The following NFU1 variants were observed in gnomAD, a reference collection of about 807,000 sequenced individuals.
The protein encoded by NFU1 is NFU1 iron-sulfur cluster scaffold.
Under a neutral mutation model 32.2 loss-of-function variants are expected in NFU1, and 30 were observed. The observed-to-expected ratio is 0.93, with a 90% CI of 0.70 to 1.26. The LOEUF is 1.26. Among genes scored for constraint, NFU1 ranks in the 50% most tolerant of loss-of-function variants. The pLI is 0.00. For synonymous variants in NFU1, 112 were observed against 104.6 expected (o/e 1.07, Z -0.43); for missense variants, 306 against 306.6 (o/e 1.00, Z 0.02).
intron 7 of NFU1, among the ~76,000 whole-genome samples, chr2:69,397,774 C>T (rs1447197674): frequency 9.2e-5 from 14 of 151,932 alleles, no homozygotes; most frequent in Middle Eastern, 3.4e-3. Flanking sequence ...ATTAGCCAGG[C>T]GTGGTGGCGC....
At position 69,400,372 on chromosome 2, in the gene NFU1, C is replaced by G. The variant is rs750485783; in HGVS notation, c.712G>C (p.Val238Leu). 6.2e-6 allele frequency: 10 copies of G among 1,613,756 alleles called. No individual in the cohort carries two copies. The highest frequency in any genetic ancestry group is 8.5e-6 in the Non-Finnish European group (10 of 1,179,662). The change falls in exon 7 of 8, where the codon GTA becomes CTA. Residue 238 changes from valine to leucine, a missense_variant. Physicochemically the swap from Val to Leu is conservative, Grantham distance 32 (BLOSUM62 1). Transcript: ENST00000410022. Reference sequence around the variant, plus strand: ...ATATAATATTGGCATACCTGTTCTACGCCTTCTACCTCCGGAATATAAAAC... The same window carrying G: ...ATATAATATTGGCATACCTGTTCTAGGCCTTCTACCTCCGGAATATAAAAC... ...LQFYIPEVEG[V>L]EQVMDDESDE...
At chr2:69,400,209 TA>T in intron 7 of NFU1, 154 bp downstream of exon 7, 1 of 697,126 alleles carries the variant, frequency 1.4e-6, no homozygotes. Flanking sequence ...TCAAGTCTGA[TA>T]AAAATTGCAA....
At chr2:69,419,104 G>A (rs13388690) in intron 4 of NFU1, among the ~76,000 whole-genome samples, 32,267 of 151,800 alleles carry the variant, frequency 0.21, 4,033 homozygotes, top group African/African-American at 0.34. Flanking sequence ...ACCTGAGGTC[G>A]GGAGTTCTAG....
chr2:69,437,667 A>G (rs1181426309), upstream of NFU1: 1 of 606,370 alleles, frequency 1.6e-6, no homozygotes, highest in East Asian at 2.8e-5. Flanking sequence ...CAGCACTGTG[A>G]ACGCATGCGT....
chr2:69,430,023 T>C, intron 2 of NFU1: 1 of 326,206 alleles, frequency 3.1e-6, no homozygotes, highest in Non-Finnish European at 6.1e-6. Context: ...AGTGAGACCC[T>C]GCCTCAAAAA....
chr2:69,432,322 C>T (rs1673665372), intron 1 of NFU1, among the ~76,000 whole-genome samples: 1 of 152,052 alleles, frequency 6.6e-6, no homozygotes. Flanking sequence ...CGCCTGTAAT[C>T]CCAGCATTTT....
At chr2:69,402,624 C>T (rs912470922) in intron 6 of NFU1, among the ~76,000 whole-genome samples, 6 of 152,102 alleles carry the variant, frequency 3.9e-5, no homozygotes, top group Admixed American at 1.3e-4. Context: ...TCTTGTTGCC[C>T]AGGCTGGAGT....
chr2:69,405,657 T>C (rs1160139361), intron 6 of NFU1, among the ~76,000 whole-genome samples: 1 of 152,256 alleles, frequency 6.6e-6, no homozygotes, highest in Non-Finnish European at 1.5e-5. Context: ...TTAACATTTA[T>C]TCTGTATGGG....
intron 6 of NFU1, among the ~76,000 whole-genome samples, chr2:69,402,852 G>C (rs1000423914): frequency 5.3e-5 from 8 of 151,780 alleles, no homozygotes; most frequent in South Asian, 2.1e-4. Context: ...CAAAGTGCTG[G>C]GATTACAGGT....
At chr2:69,409,731 GC>G (rs1672815896) in intron 5 of NFU1, among the ~76,000 whole-genome samples, 1 of 152,060 alleles carries the variant, frequency 6.6e-6, no homozygotes, top group Admixed American at 6.6e-5. Flanking sequence ...TTAGCACTCA[GC>G]TCTCAAAAGA....
rs577819627 is a variant in NFU1, at chr2:69,432,754, G to A, written c.63-749C>T. ...GGTAAGGGAAAAAAGCATAAATAGT[G>A]AAAGCCTCCCTCCTTTCCTGTCCCT... On this transcript the variant is annotated intron_variant, in intron 1 of 7. Coordinates refer to ENST00000410022, the MANE Select transcript of NFU1 (RefSeq NM_001002755.4). Among the ~76,000 whole-genome samples the A allele has an allele frequency of 7.0e-5, 9 of 129,066 alleles. No homozygotes were observed. The East Asian group carries it at 1.9e-3, about 27-fold the overall frequency. The allele number at this position is 129,066 out of a possible 152,430, so 84.7% of individuals were successfully genotyped here.
intron 5 of NFU1, among the ~76,000 whole-genome samples, chr2:69,409,434 G>C (rs1479774478): frequency 2.0e-5 from 3 of 151,974 alleles, no homozygotes; most frequent in African/African-American, 7.3e-5. Flanking sequence ...ATATCTCTAA[G>C]ACTCAAGACA....
chr2:69,409,945 AT>A (rs1160168709), intron 5 of NFU1, among the ~76,000 whole-genome samples: 1 of 152,220 alleles, frequency 6.6e-6, no homozygotes, highest in Non-Finnish European at 1.5e-5. Context: ...GTATATGCAC[AT>A]ATAAACGTTC....
At chr2:69,409,534 A>G (rs1672810239) in intron 5 of NFU1, among the ~76,000 whole-genome samples, 1 of 152,222 alleles carries the variant, frequency 6.6e-6, no homozygotes, top group African/African-American at 2.4e-5. Context: ...ATAAAGGAAT[A>G]CCTGAGACTG....
At chr2:69,434,955 G>A (rs1418897194) in intron 1 of NFU1, among the ~76,000 whole-genome samples, 6 of 152,182 alleles carry the variant, frequency 3.9e-5, no homozygotes, top group Admixed American at 2.6e-4. Flanking sequence ...CCCGTTTGTG[G>A]GCGGGGCCAC....
intron 6 of NFU1, among the ~76,000 whole-genome samples, chr2:69,404,214 G>A (rs555937815): frequency 4.6e-5 from 7 of 151,432 alleles, no homozygotes; most frequent in East Asian, 2.0e-4. Context: ...TATGTAGGCC[G>A]GGAGCGGTGA....
At position 69,400,461 on chromosome 2, in the gene NFU1, C is replaced by A; in HGVS notation, c.623G>T (p.Gly208Val). The part of the protein sequence containing the change: ...EDGIVQLKLQ[G>V]SCTSCPSSII... The stretch of plus-strand genomic sequence containing the variant: ...TGAACTAGGGCAGCTGGTACAAGAA[C>A]CCTGGAGTTTCAGCTGTACAATGCC... Residue 208 changes from glycine to valine, a missense_variant, in exon 7 of 8, where the codon GGT becomes GTT. Physicochemically the swap from Gly to Val is moderately radical, Grantham distance 109. Transcript: ENST00000410022. 1 of 1,614,068 alleles carries A rather than the reference C, an allele frequency of 6.2e-7. No homozygotes were observed. The highest frequency in any genetic ancestry group is 2.2e-5 in the East Asian group (1 of 44,884).
chr2:69,410,368 A>C (rs1012706242), intron 5 of NFU1, among the ~76,000 whole-genome samples: 5 of 152,144 alleles, frequency 3.3e-5, no homozygotes, highest in Non-Finnish European at 7.4e-5. Flanking sequence ...CAGCCTGGGC[A>C]ACAAAGCAAG....
chr2:69,414,011 C>T (rs1672974177), intron 5 of NFU1, among the ~76,000 whole-genome samples: 1 of 152,124 alleles, frequency 6.6e-6, no homozygotes, highest in South Asian at 2.1e-4. Context: ...CACGCCACTG[C>T]ACTCCAGCCT....
Sources: allele counts gnomAD v4.1 joint callset (sites outside exome capture counted in the v4.1 genomes callset), GRCh38; gene constraint gnomAD v4.1.1; transcripts MANE v1.5; gene names NCBI Gene and HGNC (gene_info 2026-07-23, HGNC 2026-07-21).